COL8A1: variants seen among roughly 807,000 people sequenced by gnomAD.
COL8A1 encodes the protein collagen type VIII alpha 1 chain.
COL8A1 carries 21 observed loss-of-function variants against 42.7 expected under a neutral mutation model. The observed-to-expected ratio is 0.49, with a 90% CI of 0.35 to 0.71. COL8A1 has a LOEUF of 0.71. Ranked by LOEUF, COL8A1 falls within the 30% of genes least tolerant of loss-of-function variation. The probability of loss-of-function intolerance (pLI) is 0.01; values close to 1 mark genes in which losing one functional copy is unlikely to be tolerated. For missense variants in COL8A1, 788 were observed against 962.4 expected (o/e 0.82, Z 2.40); for synonymous variants, 367 against 369.1 (o/e 0.99, Z 0.06).
intron 1 of COL8A1, among the ~76,000 whole-genome samples, chr3:99,738,222 G>C (rs965075621): frequency 2.6e-5 from 4 of 152,212 alleles, no homozygotes; most frequent in Non-Finnish European, 5.9e-5. Context: ...TCTTCTCTCA[G>C]CTCCTCAAAG....
chr3:99,664,750 AC>A (rs1938312406), intron 1 of COL8A1, among the ~76,000 whole-genome samples: 1 of 152,154 alleles, frequency 6.6e-6, no homozygotes, highest in African/African-American at 2.4e-5. Flanking sequence ...GCTATCTTCA[AC>A]CTGCTTTCCA....
At chr3:99,656,188 A>G (rs1043474125) in intron 1 of COL8A1, among the ~76,000 whole-genome samples, 4 of 152,246 alleles carry the variant, frequency 2.6e-5, no homozygotes, top group Admixed American at 2.0e-4. Context: ...TTAATTATCC[A>G]AACCGTCTCA....
chr3:99,682,089 C>A (rs1043920167), intron 1 of COL8A1, among the ~76,000 whole-genome samples: 1 of 152,032 alleles, frequency 6.6e-6, no homozygotes, highest in African/African-American at 2.4e-5. Context: ...TATACAAATC[C>A]GAAGTTCTCC....
At chr3:99,660,205 G>C (rs1938160656) in intron 1 of COL8A1, among the ~76,000 whole-genome samples, 1 of 152,102 alleles carries the variant, frequency 6.6e-6, no homozygotes, top group Non-Finnish European at 1.5e-5. Context: ...AATTCCTAAG[G>C]GCACTGTGGC....
At chr3:99,764,701 CTTTTT>C (rs10648559) in intron 2 of COL8A1, among the ~76,000 whole-genome samples, 3 of 125,052 alleles carry the variant, frequency 2.4e-5, no homozygotes, top group Non-Finnish European at 4.8e-5. Flanking sequence ...TCTTTTTTTT[CTTTTT>C]TTTTTTTTTT....
At chr3:99,729,050 C>A (rs1269861431) in intron 1 of COL8A1, among the ~76,000 whole-genome samples, 2 of 151,976 alleles carry the variant, frequency 1.3e-5, no homozygotes, top group Non-Finnish European at 1.5e-5. Context: ...AGTATTTCAC[C>A]TTCCATATTT....
chr3:99,661,263 A>G (rs1938196503), intron 1 of COL8A1, among the ~76,000 whole-genome samples: 2 of 152,232 alleles, frequency 1.3e-5, no homozygotes, highest in South Asian at 4.1e-4. Context: ...CAACAACAAC[A>G]ACAAAAAGAA....
chr3:99,784,051 G>T (rs1387473424), intron 2 of COL8A1, among the ~76,000 whole-genome samples: 1 of 152,166 alleles, frequency 6.6e-6, no homozygotes, highest in Admixed American at 6.5e-5. Flanking sequence ...CTTGTCTTAT[G>T]TAAGAGAAGA....
chr3:99,772,359 G>A (rs920214478), intron 2 of COL8A1, among the ~76,000 whole-genome samples: 6 of 152,190 alleles, frequency 3.9e-5, no homozygotes, highest in African/African-American at 1.4e-4. Context: ...TTCTTGGAGC[G>A]GTGAAACTAC....
intron 1 of COL8A1, chr3:99,677,949 G>T (rs1233629768): frequency 3.3e-5 from 5 of 152,138 alleles, no homozygotes; most frequent in African/African-American, 1.2e-4. Context: ...GAAAAGAAAA[G>T]AAAAATTAAA....
At chr3:99,670,218 AT>A (rs1938500061) in intron 1 of COL8A1, among the ~76,000 whole-genome samples, 1 of 152,092 alleles carries the variant, frequency 6.6e-6, no homozygotes. Flanking sequence ...AGTAAGAACC[AT>A]TATGGGAAGT....
At chr3:99,691,568 G>A (rs1213366601) in intron 1 of COL8A1, 1 of 152,000 alleles carries the variant, frequency 6.6e-6, no homozygotes, top group Admixed American at 6.6e-5. Context: ...AAGACCCCCA[G>A]GTGGGCCAGT....
rs1444857053 is a variant in COL8A1 at position 99,795,927 on chromosome 3, G to A, written c.2026G>A (p.Val676Ile). The A allele has an allele frequency of 6.2e-7, 1 of 1,614,042 alleles. No homozygotes were observed. Among genetic ancestry groups the A allele is most frequent in the Non-Finnish European group, 8.5e-7 (1 of 1,180,026 alleles). Reference sequence around the variant, plus strand: ...TCACTGCAAGGGGGGCAACGTGTGGGTTGCTCTATTCAAGAACAACGAGCC... The same window carrying A: ...TCACTGCAAGGGGGGCAACGTGTGGATTGCTCTATTCAAGAACAACGAGCC... Reference protein sequence around the residue: ...HVHCKGGNVWVALFKNNEPVM... With the variant: ...HVHCKGGNVWIALFKNNEPVM... Residue 676 changes from valine (V) to isoleucine (I), a missense_variant, in exon 4 of 4, where the codon GTT becomes ATT. This residue lies in a region of COL8A1 where 212 missense variants were observed against 210.9 expected (regional missense o/e 1.00). Transcript: ENST00000652472.
chr3:99,725,253 A>G (rs1940272674), intron 1 of COL8A1, among the ~76,000 whole-genome samples: 1 of 152,022 alleles, frequency 6.6e-6, no homozygotes, highest in Non-Finnish European at 1.5e-5. Context: ...ACAGCAGGAC[A>G]TTGCTGAGTT....
chr3:99,668,938 T>A (rs1938445431), intron 1 of COL8A1, among the ~76,000 whole-genome samples: 1 of 151,648 alleles, frequency 6.6e-6, no homozygotes, highest in African/African-American at 2.4e-5. Flanking sequence ...ACAATACACA[T>A]TTATTATATC....
rs541015969 is a variant in COL8A1, at chr3:99,773,202, C to T, written c.-3-17478C>T. On this transcript the variant is annotated intron_variant, in intron 2 of 3. Coordinates refer to ENST00000652472, the MANE Select transcript of COL8A1 (RefSeq NM_020351.4). ...CTGAATATAGCCATTATTAGTAGAG[C>T]GTAATAGTGTTTGAAAACAGTCTAA... Among the ~76,000 whole-genome samples, 7 of 152,240 alleles carry T rather than the reference C, an allele frequency of 4.6e-5. No homozygotes were observed. The South Asian group carries it at 6.2e-4, about 14-fold the overall frequency.
intron 3 of COL8A1, among the ~76,000 whole-genome samples, chr3:99,793,436 TACAC>T (rs66839546): frequency 4.7e-5 from 7 of 149,392 alleles, no homozygotes; most frequent in East Asian, 2.0e-4. Flanking sequence ...TTGTTTAAAA[TACAC>T]ACACACACAC....
At chr3:99,687,972 C>T (rs540245913) in intron 1 of COL8A1, among the ~76,000 whole-genome samples, 2 of 152,236 alleles carry the variant, frequency 1.3e-5, no homozygotes, top group African/African-American at 4.8e-5. Context: ...TTCTATCAAC[C>T]AGCTGTTACA....
chr3:99,708,638 C>T (rs1939749286), intron 1 of COL8A1, among the ~76,000 whole-genome samples: 1 of 152,118 alleles, frequency 6.6e-6, no homozygotes, highest in African/African-American at 2.4e-5. Flanking sequence ...TTTCTTGGAA[C>T]CCTGTTGTAT....
Sources: allele counts gnomAD v4.1 joint callset (sites outside exome capture counted in the v4.1 genomes callset), GRCh38; gene constraint gnomAD v4.1.1; regional missense constraint gnomAD v4.1.1; transcripts MANE v1.5; gene names NCBI Gene and HGNC (gene_info 2026-07-23, HGNC 2026-07-21).